EPSTI1: variants seen among roughly 807,000 people sequenced by gnomAD.
EPSTI1 encodes epithelial-stromal interaction protein 1.
EPSTI1 carries 66 observed loss-of-function variants against 49.9 expected under a neutral mutation model. That is an observed-to-expected ratio of 1.32 (90% CI 1.08 to 1.62). The LOEUF (loss-of-function observed/expected upper bound fraction) is 1.62, where lower values mean the gene tolerates loss of function less well. Among genes scored for constraint, EPSTI1 ranks in the 40% most tolerant of loss-of-function variants. The probability of loss-of-function intolerance (pLI) is 0.00; values close to 1 mark genes in which losing one functional copy is unlikely to be tolerated. For synonymous variants in EPSTI1, 137 were observed against 130.7 expected (o/e 1.05, Z -0.33); for missense variants, 394 against 365.5 (o/e 1.08, Z -0.64).
chr13:42,966,838 G>T lies in EPSTI1; in HGVS notation c.331+2256C>A, dbSNP rs2039635056. Among the ~76,000 whole-genome samples, 2 of 77,816 alleles carry T rather than the reference G, an allele frequency of 2.6e-5. 1 individual carries two copies. The highest frequency in any genetic ancestry group is 5.7e-5 in the Non-Finnish European group (2 of 35,106). The allele number at this position is 77,816 out of a possible 152,430, so 51.1% of individuals were successfully genotyped here. ...AATGGCGGCTTTGTGGAATAGAAAG[G>T]CGGGAAAGGTGGGGAAAAGATTGAG... On this transcript the variant is annotated intron_variant, in intron 3 of 10. Coordinates refer to ENST00000313624, the MANE Select transcript of EPSTI1 (RefSeq NM_033255.5).
Position 42,987,488 on chromosome 13 carries a change from G to A in EPSTI1, c.188+4490C>T, listed in dbSNP as rs181132621. Among the ~76,000 whole-genome samples, 301 of 152,242 alleles carry A rather than the reference G, an allele frequency of 2.0e-3. 2 individuals carry two copies. The highest frequency in any genetic ancestry group is 6.8e-3 in the African/African-American group (282 of 41,548). ...AGCTTGTCCAGCCCAGGGCCCACAA[G>A]GTGCATGTAGCCCAGGTGGCTCAGG... On this transcript the variant is annotated intron_variant, in intron 1 of 10. Coordinates refer to ENST00000313624, the MANE Select transcript of EPSTI1 (RefSeq NM_033255.5).
Position 42,992,059 on chromosome 13 carries a change from G to A in EPSTI1, c.107C>T (p.Pro36Leu). 6.2e-7 allele frequency: 1 copy of A among 1,613,394 alleles called. No individual in the cohort carries two copies. Among genetic ancestry groups the A allele is most frequent in the Non-Finnish European group, 8.5e-7 (1 of 1,180,020 alleles). The change falls in exon 1 of 11, where the codon CCC becomes CTC. Residue 36 changes from proline to leucine, a missense_variant. Coordinates refer to ENST00000313624, the MANE Select transcript of EPSTI1 (RefSeq NM_033255.5). ...DPSGRQGELS[P>L]VEDQREGLEA... ...CAAACCCTCTCTCTGGTCTTCCACG[G>A]GGCTCAGCTCCCCTTGCCGCCCAGA...
At chr13:42,910,923 C>T (rs1305818909) in intron 8 of EPSTI1, among the ~76,000 whole-genome samples, 1 of 151,930 alleles carries the variant, frequency 6.6e-6, no homozygotes, top group Non-Finnish European at 1.5e-5. Flanking sequence ...TAGAAGACTA[C>T]AAGTATGTTA....
intron 7 of EPSTI1, among the ~76,000 whole-genome samples, chr13:42,924,197 T>C (rs367812169): frequency 7.8e-4 from 119 of 152,316 alleles, no homozygotes; most frequent in South Asian, 4.1e-3. Flanking sequence ...GGGTAAAAAG[T>C]CAATTAAATA....
At chr13:42,909,902 A>G (rs985732206) in intron 8 of EPSTI1, among the ~76,000 whole-genome samples, 2 of 152,188 alleles carry the variant, frequency 1.3e-5, no homozygotes, top group Non-Finnish European at 2.9e-5. Flanking sequence ...ATTAATGACA[A>G]TAAATAATGA....
At chr13:42,940,530 T>G (rs948706970) in intron 6 of EPSTI1, among the ~76,000 whole-genome samples, 2 of 152,240 alleles carry the variant, frequency 1.3e-5, no homozygotes, top group African/African-American at 4.8e-5. Context: ...CCTAGTATAG[T>G]GCTTGACACA....
chr13:42,901,548 C>T (rs1048097815), intron 8 of EPSTI1, among the ~76,000 whole-genome samples: 5 of 152,112 alleles, frequency 3.3e-5, no homozygotes, highest in Admixed American at 6.5e-5. Context: ...TTGTTATACA[C>T]CTTGCTGCCA....
chr13:42,946,547 G>C (rs1432391215), intron 6 of EPSTI1, among the ~76,000 whole-genome samples: 1 of 152,164 alleles, frequency 6.6e-6, no homozygotes, highest in African/African-American at 2.4e-5. Flanking sequence ...GGAAGAGGAG[G>C]TCATTCATAT....
chr13:42,922,789 C>T lies in EPSTI1; in HGVS notation c.657+3547G>A, dbSNP rs1346494847. On this transcript the variant is annotated intron_variant, in intron 7 of 10. Coordinates refer to ENST00000313624, the MANE Select transcript of EPSTI1 (RefSeq NM_033255.5). This position sits in a 1 kb window ranked among gnomAD's most constrained non-coding sequence, Gnocchi z 4.8. The stretch of plus-strand genomic sequence containing the variant: ...TACAATAATCAACCTGCACTGAGTG[C>T]TCACAGTAGTGTGAGAGAGGAGAGC... Among the ~76,000 whole-genome samples the T allele has an allele frequency of 6.6e-6, 1 of 152,180 alleles. No homozygotes were observed. The highest frequency in any genetic ancestry group is 1.5e-5 in the Non-Finnish European group (1 of 68,042).
chr13:42,972,684 A>G (rs769753848), intron 1 of EPSTI1, among the ~76,000 whole-genome samples: 18 of 152,204 alleles, frequency 1.2e-4, no homozygotes, highest in Non-Finnish European at 2.4e-4. Context: ...CTGGGCACTT[A>G]TTATGGATTT....
intron 6 of EPSTI1, among the ~76,000 whole-genome samples, chr13:42,929,212 T>C (rs1198698171): frequency 6.6e-6 from 1 of 152,230 alleles, no homozygotes; most frequent in Non-Finnish European, 1.5e-5. Context: ...TGTTCCACTG[T>C]TGGATGTAAA....
rs750163138 is a variant in EPSTI1 at position 42,970,685 on chromosome 13, A to G, written c.189-15T>C. ...ATGCACTTGTGCTAAAAGGAAGAGA[A>G]AAAAAAATGCTTATTACCATGAGAA... On this transcript the variant is annotated splice_polypyrimidine_tract_variant and intron_variant, in intron 1 of 10. Coordinates refer to ENST00000313624, the MANE Select transcript of EPSTI1 (RefSeq NM_033255.5). 2.6e-6 allele frequency: 4 copies of G among 1,510,796 alleles called. No individual in the cohort carries two copies. Among genetic ancestry groups the G allele is most frequent in the Admixed American group, 2.2e-5 (1 of 46,422 alleles). The allele number at this position is 1,510,796 out of a possible 1,614,324, so 93.6% of individuals were successfully genotyped here.
At position 42,944,382 on chromosome 13, in the gene EPSTI1, A is replaced by C. The variant is rs557404297; in HGVS notation, c.563+9566T>G. ...ATGTCCTTTGCAGAGACATGGATGA[A>C]GCTGGAAACCATCGTTCTCAGAAAA... On this transcript the variant is annotated intron_variant, in intron 6 of 10. Coordinates refer to ENST00000313624, the MANE Select transcript of EPSTI1 (RefSeq NM_033255.5). 8.5e-5 allele frequency among the ~76,000 whole-genome samples: 13 copies of C among 152,350 alleles called. No homozygotes were observed. The South Asian group carries it at 2.7e-3, about 32-fold the overall frequency.
intron 6 of EPSTI1, among the ~76,000 whole-genome samples, chr13:42,939,991 C>T (rs1000040097): frequency 2.6e-5 from 4 of 152,184 alleles, no homozygotes; most frequent in African/African-American, 9.7e-5. Context: ...TATTCTCTTG[C>T]CTTCTCAAAT....
chr13:42,921,658 C>G (rs760684710), intron 7 of EPSTI1, among the ~76,000 whole-genome samples: 11 of 152,092 alleles, frequency 7.2e-5, no homozygotes, highest in Non-Finnish European at 1.2e-4. Context: ...CTTTTTTAAA[C>G]CCTGAAGCCC....
At chr13:42,983,790 A>G (rs1019961904) in intron 1 of EPSTI1, among the ~76,000 whole-genome samples, 2 of 152,150 alleles carry the variant, frequency 1.3e-5, no homozygotes, top group Non-Finnish European at 2.9e-5. Context: ...ATGGCTTATC[A>G]TGAAAAGAAT....
chr13:42,906,136 T>C (rs558204497), intron 8 of EPSTI1, among the ~76,000 whole-genome samples: 36 of 152,314 alleles, frequency 2.4e-4, no homozygotes, highest in Admixed American at 7.2e-4. Flanking sequence ...AGCTGCAGGA[T>C]GGCACCAATA....
intron 6 of EPSTI1, among the ~76,000 whole-genome samples, chr13:42,933,203 AT>A (rs1189882886): frequency 1.3e-5 from 2 of 151,432 alleles, no homozygotes; most frequent in Non-Finnish European, 2.9e-5. Context: ...TCATTGTACT[AT>A]GGTTGTATAA....
At chr13:42,897,303 A>T (rs1772556754) in intron 9 of EPSTI1, among the ~76,000 whole-genome samples, 1 of 151,936 alleles carries the variant, frequency 6.6e-6, no homozygotes, top group Non-Finnish European at 1.5e-5. Context: ...ATCATCTCCA[A>T]TTTCTTCTTT....
Sources: allele counts gnomAD v4.1 joint callset (sites outside exome capture counted in the v4.1 genomes callset), GRCh38; gene constraint gnomAD v4.1.1; non-coding constraint Gnocchi (gnomAD v3.1); transcripts MANE v1.5; gene names NCBI Gene and HGNC (gene_info 2026-07-23, HGNC 2026-07-21).